The following PSD3 variants were observed in gnomAD, a reference collection of about 807,000 sequenced individuals.
PSD3 encodes pleckstrin and Sec7 domain containing 3, also known as PH and SEC7 domain-containing protein 3.
PSD3 carries 49 observed loss-of-function variants against 105.5 expected under a neutral mutation model. The observed-to-expected ratio is 0.46, with a 90% confidence interval of 0.37 to 0.59. The LOEUF (loss-of-function observed/expected upper bound fraction) is 0.59. PSD3 is among the 20% of genes least tolerant of loss of function. The pLI, the probability that PSD3 is intolerant of heterozygous loss-of-function variation, is 0.00. For synonymous variants in PSD3, 557 were observed against 457.8 expected, an observed-to-expected ratio of 1.22 and a Z score of -2.77; for missense variants, 1,561 against 1,263.8, an observed-to-expected ratio of 1.24 and a Z score of -3.57.
At chr8:18,985,687 T>C (rs1003814090) in intron 1 of PSD3, among the ~76,000 whole-genome samples, 2 of 152,188 alleles carry the variant, frequency 1.3e-5, no homozygotes, top group African/African-American at 4.8e-5. Context: ...TCTTCTGGGA[T>C]TTGACTACTA....
chr8:18,958,043 G>A (rs1386112334), intron 1 of PSD3, among the ~76,000 whole-genome samples: 2 of 152,010 alleles, frequency 1.3e-5, no homozygotes, highest in African/African-American at 4.8e-5. Flanking sequence ...TTATTCCACA[G>A]ACACATACCA....
At chr8:18,847,542 C>T (rs1815196927) in intron 4 of PSD3, among the ~76,000 whole-genome samples, 1 of 152,196 alleles carries the variant, frequency 6.6e-6, no homozygotes, top group Non-Finnish European at 1.5e-5. Flanking sequence ...ATAAACGATC[C>T]TAACTGGTCA....
rs950044854 is a variant in PSD3, at chr8:18,640,102, G to A, written c.2217-7296C>T. Reference sequence around the variant, plus strand: ...AAAACAGCTCTTGGAAGCAGACTGTGGTCGTGAATCCATTCTAGTTCTAGT... The same window carrying A: ...AAAACAGCTCTTGGAAGCAGACTGTAGTCGTGAATCCATTCTAGTTCTAGT... On this transcript the variant is annotated intron_variant, in intron 10 of 15. Coordinates refer to ENST00000327040, the MANE Select transcript of PSD3 (RefSeq NM_015310.4). Among the ~76,000 whole-genome samples the A allele has an allele frequency of 1.3e-5, 2 of 152,110 alleles. 1 individual carries two copies. Among genetic ancestry groups the A allele is most frequent in the Non-Finnish European group, 2.9e-5 (2 of 68,024 alleles).
At chr8:18,984,458 A>T (rs1825397856) in intron 1 of PSD3, among the ~76,000 whole-genome samples, 1 of 152,154 alleles carries the variant, frequency 6.6e-6, no homozygotes, top group Admixed American at 6.5e-5. Context: ...GAATTATTTT[A>T]AAAAGTTAAA....
chr8:18,545,045 A>G (rs1040935724), intron 15 of PSD3, among the ~76,000 whole-genome samples: 20 of 152,340 alleles, frequency 1.3e-4, no homozygotes, highest in African/African-American at 4.6e-4. Context: ...AGAAGGAGAT[A>G]TGAGTTGTTA....
intron 9 of PSD3, among the ~76,000 whole-genome samples, chr8:18,741,624 A>T (rs781172186): frequency 1.3e-5 from 2 of 152,208 alleles, no homozygotes; most frequent in Non-Finnish European, 2.9e-5. Flanking sequence ...CACTAGCTAC[A>T]TATGTCGGCA....
At chr8:18,858,486 A>T (rs962363638) in intron 4 of PSD3, among the ~76,000 whole-genome samples, 1 of 151,648 alleles carries the variant, frequency 6.6e-6, no homozygotes, top group Non-Finnish European at 1.5e-5. Context: ...GCATCAATGG[A>T]CTCTTCTTTT....
At chr8:18,804,935 T>G (rs1811071185) in intron 4 of PSD3, 37 bp from the exon 5 acceptor site, 1 of 1,499,906 alleles carries the variant, frequency 6.7e-7, no homozygotes, top group East Asian at 2.3e-5. Flanking sequence ...TAATAGATTT[T>G]TCTTATATGG....
At chr8:18,542,116 A>G (rs998328929) in intron 15 of PSD3, among the ~76,000 whole-genome samples, 2 of 152,192 alleles carry the variant, frequency 1.3e-5, no homozygotes, top group Non-Finnish European at 2.9e-5. Context: ...GAGCTTCAAA[A>G]TAAAGTGAGA....
Position 18,572,677 on chromosome 8 carries a change from G to A in PSD3, c.2640-5C>T. 1 of 1,613,518 alleles carries A rather than the reference G, an allele frequency of 6.2e-7. No individual in the cohort carries two copies. ...CCTTGCATTTCCTCTGGGCTCCTAT[G>A]AGAAATAGATATGTTTATATCAGGA... On this transcript the variant is annotated splice_polypyrimidine_tract_variant and splice_region_variant and intron_variant, in intron 13 of 15. Transcript: ENST00000327040.
intron 1 of PSD3, among the ~76,000 whole-genome samples, chr8:18,971,470 C>A (rs1824648131): frequency 6.6e-6 from 1 of 152,204 alleles, no homozygotes; most frequent in Non-Finnish European, 1.5e-5. Context: ...AACAGAACCA[C>A]TCTCCTGAGA....
At chr8:18,895,091 G>C (rs965940860) in intron 2 of PSD3, among the ~76,000 whole-genome samples, 4 of 152,184 alleles carry the variant, frequency 2.6e-5, no homozygotes, top group African/African-American at 9.7e-5. Flanking sequence ...ACTGAGGACA[G>C]AGTCTCACTT....
At chr8:18,954,304 G>C (rs1823420908) in intron 1 of PSD3, among the ~76,000 whole-genome samples, 1 of 151,996 alleles carries the variant, frequency 6.6e-6, no homozygotes, top group African/African-American at 2.4e-5. Flanking sequence ...TGCTGAATTT[G>C]ACCTCATCAG....
intron 6 of PSD3, among the ~76,000 whole-genome samples, chr8:18,803,632 T>C (rs932140855): frequency 6.6e-6 from 1 of 152,066 alleles, no homozygotes; most frequent in Admixed American, 6.6e-5. Context: ...TTCTGATATA[T>C]GCTACAAGAA....
chr8:18,756,298 A>G (rs1341713275), intron 9 of PSD3, among the ~76,000 whole-genome samples: 1 of 152,162 alleles, frequency 6.6e-6, no homozygotes, highest in African/African-American at 2.4e-5. Flanking sequence ...AGTATTTTTG[A>G]GAATTCAGTT....
intron 14 of PSD3, among the ~76,000 whole-genome samples, chr8:18,561,663 T>A (rs1801404087): frequency 6.6e-6 from 1 of 152,220 alleles, no homozygotes; most frequent in South Asian, 2.1e-4. Flanking sequence ...TGGAAATACA[T>A]ATAATTATTA....
intron 1 of PSD3, among the ~76,000 whole-genome samples, chr8:18,962,574 G>C (rs1420497690): frequency 6.6e-6 from 1 of 152,174 alleles, no homozygotes; most frequent in Non-Finnish European, 1.5e-5. Flanking sequence ...AAAAAGATCA[G>C]TGTTAGGTTG....
chr8:18,633,457 A>C (rs1005241170), intron 10 of PSD3, among the ~76,000 whole-genome samples: 5 of 152,014 alleles, frequency 3.3e-5, no homozygotes, highest in Admixed American at 2.0e-4. Flanking sequence ...TCCCATCTTT[A>C]TGTCCATGTG....
chr8:18,916,513 C>T (rs1329433185), intron 2 of PSD3, among the ~76,000 whole-genome samples: 4 of 151,810 alleles, frequency 2.6e-5, no homozygotes, highest in African/African-American at 4.8e-5. Context: ...ATCTTATTTA[C>T]GTGCACAATC....
Sources: allele counts gnomAD v4.1 joint callset (sites outside exome capture counted in the v4.1 genomes callset), GRCh38; gene constraint gnomAD v4.1.1; transcripts MANE v1.5; gene names NCBI Gene and HGNC (gene_info 2026-07-23, HGNC 2026-07-21).